The following CCDC57 variants were observed in gnomAD, a reference collection of about 807,000 sequenced individuals.
CCDC57 encodes the protein coiled-coil domain containing 57, also known as coiled-coil domain-containing protein 57.
In CCDC57, 118 loss-of-function variants were observed where a neutral mutation model predicts 118.9. That is an observed-to-expected ratio of 0.99 (90% confidence interval 0.86 to 1.16). The LOEUF is 1.16. Ranked by LOEUF, CCDC57 falls within the 50% of genes most tolerant of loss-of-function variation. The pLI is 0.00. For synonymous variants in CCDC57, 527 were observed against 532.9 expected (o/e 0.99, Z 0.15); for missense variants, 1,300 against 1,320.7 (o/e 0.98, Z 0.24).
intron 17 of CCDC57, among the ~76,000 whole-genome samples, chr17:82,131,048 G>A (rs2038284701): frequency 6.6e-6 from 1 of 150,964 alleles, no homozygotes; most frequent in Non-Finnish European, 1.5e-5. Context: ...CCTGACCTCA[G>A]GTGATCCACC....
chr17:82,183,999 C>A, intron 8 of CCDC57, 67 bp from the exon 8 acceptor site: 2 of 1,364,792 alleles, frequency 1.5e-6, no homozygotes, highest in Non-Finnish European at 2.0e-6. Context: ...TACACAGCAC[C>A]CCCCAGCAAA....
chr17:82,130,500 T>TG lies in CCDC57; in HGVS notation c.2578-1904_2578-1903insC, dbSNP rs1328991107. 3.2e-4 allele frequency among the ~76,000 whole-genome samples: 13 copies of TG among 40,946 alleles called. No individual in the cohort carries two copies. In the South Asian group the frequency reaches 0.013, roughly 42 times the overall value. The allele number at this position is 40,946 out of a possible 152,430, so 26.9% of individuals were successfully genotyped here. On this transcript the variant is annotated intron_variant, in intron 17 of 19. Coordinates refer to ENST00000665763, the Ensembl canonical transcript of CCDC57. ...GTGAGCCACCACACCCAGACAAAACTTTTTTTTTTTTTTTTTTTTTGAGAT... is the reference window on the plus strand; with the variant it reads ...GTGAGCCACCACACCCAGACAAAACTGTTTTTTTTTTTTTTTTTTTTGAGAT...
intron 9 of CCDC57, among the ~76,000 whole-genome samples, chr17:82,181,743 A>G (rs913312148): frequency 5.3e-5 from 8 of 152,286 alleles, no homozygotes; most frequent in African/African-American, 1.7e-4. Flanking sequence ...AAATGTATAA[A>G]AAAGTCTAAA....
At chr17:82,102,799 C>A (rs940887965) in intron 19 of CCDC57, among the ~76,000 whole-genome samples, 2 of 151,880 alleles carry the variant, frequency 1.3e-5, no homozygotes, top group East Asian at 3.9e-4. Context: ...GCAGCGGAGT[C>A]GCTTGAACCC....
intron 19 of CCDC57, chr17:82,107,445 C>T (rs1014904965): frequency 2.6e-5 from 12 of 469,754 alleles, no homozygotes; most frequent in African/African-American, 6.0e-5. Context: ...TCTGCGCCTC[C>T]GTTTGACTCC....
intron 2 of CCDC57, among the ~76,000 whole-genome samples, chr17:82,205,836 A>G (rs2049559222): frequency 6.6e-6 from 1 of 152,200 alleles, no homozygotes; most frequent in African/African-American, 2.4e-5. Context: ...CTCAGGACCC[A>G]TAAGAAGCCC....
At chr17:82,146,545 A>G (rs1019578917) in intron 16 of CCDC57, among the ~76,000 whole-genome samples, 3 of 152,188 alleles carry the variant, frequency 2.0e-5, no homozygotes, top group Admixed American at 6.5e-5. Flanking sequence ...ATGCCCAGCT[A>G]AGAACTCAAT....
chr17:82,201,705 C>T lies in CCDC57; in HGVS notation c.240G>A (p.Gln80=), dbSNP rs755753921. The change falls in exon 3 of 20, where the codon CAG becomes CAA. Residue 80 remains glutamine (Q), a synonymous_variant. Transcript: ENST00000665763. ...GCCTGGCCTCTTCCCACTCCCTGGCCTGGGCGAAGGCGGCGTCATAGCGCT... is the reference window on the plus strand; with the variant it reads ...GCCTGGCCTCTTCCCACTCCCTGGCTTGGGCGAAGGCGGCGTCATAGCGCT... 6 of 1,613,958 alleles carry T rather than the reference C, an allele frequency of 3.7e-6. No homozygotes were observed. The South Asian group carries it at 6.6e-5, about 18-fold the overall frequency.
At chr17:82,138,909 G>A (rs2039659909) in intron 16 of CCDC57, among the ~76,000 whole-genome samples, 1 of 152,202 alleles carries the variant, frequency 6.6e-6, no homozygotes, top group Non-Finnish European at 1.5e-5. Flanking sequence ...GTTAACTTAG[G>A]TGTCACCTTA....
At chr17:82,188,115 C>A in intron 8 of CCDC57, 104 bp downstream of exon 7, 1 of 946,316 alleles carries the variant, frequency 1.1e-6, no homozygotes, top group Non-Finnish European at 1.5e-6. Flanking sequence ...ACTCTGTCTG[C>A]TGCCTGGCCC....
At chr17:82,130,035 CA>C (rs956129755) in intron 17 of CCDC57, among the ~76,000 whole-genome samples, 9 of 151,450 alleles carry the variant, frequency 5.9e-5, no homozygotes, top group African/African-American at 1.7e-4. Context: ...CCTATCTGTA[CA>C]AAAAAAAATT....
chr17:82,183,696 GT>G (rs1243345928), intron 9 of CCDC57, 77 bp downstream of exon 8: 2 of 1,370,046 alleles, frequency 1.5e-6, no homozygotes, highest in Non-Finnish European at 2.0e-6. Context: ...AATCTGTTCA[GT>G]TTTGAATCCT....
chr17:82,186,121 C>T (rs1376254170), intron 8 of CCDC57, among the ~76,000 whole-genome samples: 1 of 151,860 alleles, frequency 6.6e-6, no homozygotes, highest in East Asian at 1.9e-4. Flanking sequence ...TAGCCGAGGT[C>T]ATCATTTAAT....
chr17:82,134,136 C>T (rs751878250), exon 17 of CCDC57: 6 of 1,389,326 alleles, frequency 4.3e-6, no homozygotes, highest in East Asian at 3.0e-5. Flanking sequence ...GCCTCCTGGG[C>T]TCCTCGCCTG....
At chr17:82,126,537 T>C (rs1159952859) in intron 19 of CCDC57, 4 of 984,828 alleles carry the variant, frequency 4.1e-6, no homozygotes, top group Non-Finnish European at 4.8e-6. Flanking sequence ...AAGTGGCTCC[T>C]AAACACACAC....
Position 82,118,350 on chromosome 17 carries a change from T to A in CCDC57, c.2899+9342A>T, listed in dbSNP as rs981894474. Among the ~76,000 whole-genome samples the A allele has an allele frequency of 6.6e-6, 1 of 152,040 alleles. No individual in the cohort carries two copies. The highest frequency in any genetic ancestry group is 1.5e-5 in the Non-Finnish European group (1 of 67,998). ...CCATTAGCGCAGGACTGAAACCCGA[T>A]GTGGGTGTTATCCATTAGCGCAGGA... On this transcript the variant is annotated intron_variant, in intron 19 of 19. Coordinates refer to ENST00000665763, the Ensembl canonical transcript of CCDC57. This position sits in a 1 kb window ranked among gnomAD's most constrained non-coding sequence, Gnocchi z 4.7.
intron 19 of CCDC57, among the ~76,000 whole-genome samples, chr17:82,124,896 G>A (rs1455745100): frequency 1.3e-5 from 2 of 152,168 alleles, no homozygotes; most frequent in African/African-American, 4.8e-5. Flanking sequence ...GAACACGAAC[G>A]TCTCCAGAAG....
intron 19 of CCDC57, among the ~76,000 whole-genome samples, chr17:82,114,226 G>A (rs1187822929): frequency 6.6e-6 from 1 of 152,158 alleles, no homozygotes; most frequent in Non-Finnish European, 1.5e-5. Context: ...TCCATGGCGG[G>A]GCCATCCCGA....
chr17:82,162,380 C>T (rs1424907378), intron 14 of CCDC57, among the ~76,000 whole-genome samples: 1 of 152,176 alleles, frequency 6.6e-6, no homozygotes, highest in African/African-American at 2.4e-5. Flanking sequence ...TGACCCCAGC[C>T]CCATGGGAAA....
Sources: gnomAD v4.1 joint callset for allele counts (sites outside exome capture counted in the v4.1 genomes callset) on GRCh38, gnomAD v4.1.1 for gene constraint, Gnocchi (gnomAD v3.1) non-coding constraint, MANE v1.5 for transcripts, NCBI Gene and HGNC (gene_info 2026-07-23, HGNC 2026-07-21) for gene names.